The following SHISA9 variants were observed in gnomAD, a reference collection of about 807,000 sequenced individuals.
SHISA9 encodes protein shisa-9.
Under a neutral mutation model 38.0 loss-of-function variants are expected in SHISA9, and 13 were observed. The observed-to-expected ratio is 0.34, with a 90% confidence interval of 0.22 to 0.54. SHISA9 has a LOEUF of 0.54. Ranked by LOEUF, SHISA9 falls within the 20% of genes least tolerant of loss-of-function variation. The pLI is 0.91. For missense variants in SHISA9, 538 were observed against 575.8 expected (o/e 0.93, Z 0.67); for synonymous variants, 275 against 242.0 (o/e 1.14, Z -1.27).
chr16:13,199,159 C>T (rs1027641085), intron 2 of SHISA9, among the ~76,000 whole-genome samples: 1 of 152,104 alleles, frequency 6.6e-6, no homozygotes, highest in Admixed American at 6.6e-5. Context: ...GAGTCTGAGA[C>T]TGACGGATCA....
chr16:13,478,219 A>G, the SHISA9 span, among the ~76,000 whole-genome samples: 18 of 152,298 alleles, frequency 1.2e-4, 1 homozygote, highest in Admixed American at 9.8e-4. Context: ...AGAGATCCTG[A>G]GTCACTGAGG....
the SHISA9 span, among the ~76,000 whole-genome samples, chr16:13,425,750 T>G: frequency 6.6e-6 from 1 of 152,262 alleles, no homozygotes; most frequent in African/African-American, 2.4e-5. Context: ...AACTTCCTGT[T>G]GTCCTGAACT....
At chr16:13,015,460 C>T (rs944926631) in intron 2 of SHISA9, among the ~76,000 whole-genome samples, 4 of 152,196 alleles carry the variant, frequency 2.6e-5, no homozygotes, top group Admixed American at 6.5e-5. Flanking sequence ...GTGGGAGATC[C>T]GATGTTTGGA....
At chr16:13,006,082 A>C (rs1212915578) in intron 2 of SHISA9, among the ~76,000 whole-genome samples, 1 of 152,242 alleles carries the variant, frequency 6.6e-6, no homozygotes, top group Non-Finnish European at 1.5e-5. Context: ...ACACACGCGC[A>C]CACTCTGAGA....
chr16:13,389,916 A>C, the SHISA9 span, among the ~76,000 whole-genome samples: 1 of 152,172 alleles, frequency 6.6e-6, no homozygotes, highest in African/African-American at 2.4e-5. Context: ...GCAAGATCTA[A>C]TCCTGGAAAT....
intron 1 of SHISA9, among the ~76,000 whole-genome samples, chr16:12,912,826 C>T (rs1188564027): frequency 6.6e-6 from 1 of 152,168 alleles, no homozygotes; most frequent in Non-Finnish European, 1.5e-5. Flanking sequence ...TGTCACGTGC[C>T]CCTGCTCGTT....
rs541991636 is a variant in SHISA9 at position 13,141,639 on chromosome 16, C to T, written c.692-61755C>T. Among the ~76,000 whole-genome samples, 66 of 152,088 alleles carry T rather than the reference C, an allele frequency of 4.3e-4. No individual in the cohort carries two copies. In the East Asian group the frequency reaches 0.01, roughly 24 times the overall value. On this transcript the variant is annotated intron_variant, in intron 2 of 4. Transcript: ENST00000558583. ...TGGAGGTTGCAGTGAACTGAGATCA[C>T]GCCACTATACTCCAGCCAGGTGACA...
chr16:13,168,282 C>T (rs567084616), intron 2 of SHISA9, among the ~76,000 whole-genome samples: 75 of 152,322 alleles, frequency 4.9e-4, no homozygotes, highest in Middle Eastern at 6.8e-3. Flanking sequence ...TATGTAGCAG[C>T]GATGAATAAA....
intron 2 of SHISA9, among the ~76,000 whole-genome samples, chr16:12,965,815 T>C (rs748286600): frequency 3.3e-5 from 5 of 152,240 alleles, no homozygotes; most frequent in Non-Finnish European, 7.3e-5. Context: ...ACCCAGCACA[T>C]AGTCAGTGCT....
chr16:13,083,356 G>A (rs905331035), intron 2 of SHISA9, among the ~76,000 whole-genome samples: 5 of 152,132 alleles, frequency 3.3e-5, no homozygotes, highest in South Asian at 2.1e-4. Flanking sequence ...AGTTGTAGGC[G>A]TTCCATGAGA....
At chr16:13,300,525 G>A in the SHISA9 span, among the ~76,000 whole-genome samples, 1 of 152,234 alleles carries the variant, frequency 6.6e-6, no homozygotes, top group East Asian at 1.9e-4. Context: ...TATTAATTGG[G>A]AATTGGAGGC....
At chr16:13,227,545 C>A (rs1343242008) in intron 4 of SHISA9, among the ~76,000 whole-genome samples, 3 of 152,120 alleles carry the variant, frequency 2.0e-5, no homozygotes, top group Non-Finnish European at 2.9e-5. Flanking sequence ...GGGATGACAA[C>A]CTTGGGCCAG....
chr16:13,472,500 T>C, the SHISA9 span, among the ~76,000 whole-genome samples: 1 of 147,784 alleles, frequency 6.8e-6, no homozygotes, highest in Non-Finnish European at 1.5e-5. Context: ...CATGCCATTG[T>C]CCTGCCTCAG....
the SHISA9 span, among the ~76,000 whole-genome samples, chr16:13,398,204 G>T: frequency 6.6e-6 from 1 of 152,148 alleles, no homozygotes; most frequent in Admixed American, 6.5e-5. Context: ...TGCAACATTT[G>T]GGCAGGAAAA....
intron 2 of SHISA9, among the ~76,000 whole-genome samples, chr16:12,939,053 C>A (rs1307526297): frequency 6.6e-6 from 1 of 151,934 alleles, no homozygotes; most frequent in Non-Finnish European, 1.5e-5. Context: ...TCTCTTCTCT[C>A]CTCTCCCCTC....
chr16:13,104,033 T>C (rs1324127574), intron 2 of SHISA9, among the ~76,000 whole-genome samples: 1 of 152,138 alleles, frequency 6.6e-6, no homozygotes, highest in Non-Finnish European at 1.5e-5. Flanking sequence ...TCCAAATTGC[T>C]CCAGGAGGCA....
the SHISA9 span, among the ~76,000 whole-genome samples, chr16:13,389,472 T>C: frequency 6.6e-6 from 1 of 152,314 alleles, no homozygotes; most frequent in South Asian, 2.1e-4. Context: ...TGTACATGTG[T>C]ATCAAAATAT....
intron 2 of SHISA9, among the ~76,000 whole-genome samples, chr16:13,013,397 G>A (rs750584442): frequency 2.0e-5 from 3 of 152,074 alleles, no homozygotes; most frequent in South Asian, 2.1e-4. Context: ...GAGCCTGGCC[G>A]GGGGAAACTG....
At chr16:12,919,131 G>C (rs2071295843) in intron 2 of SHISA9, among the ~76,000 whole-genome samples, 1 of 152,096 alleles carries the variant, frequency 6.6e-6, no homozygotes, top group African/African-American at 2.4e-5. Context: ...ATATTAATCA[G>C]TTAAGGGTTT....
Sources: gnomAD v4.1 joint callset for allele counts (sites outside exome capture counted in the v4.1 genomes callset) on GRCh38, gnomAD v4.1.1 for gene constraint, MANE v1.5 for transcripts, NCBI Gene and HGNC (gene_info 2026-07-23, HGNC 2026-07-21) for gene names.